CDK13: variants seen among roughly 807,000 people sequenced by gnomAD.
The protein encoded by CDK13 is cyclin-dependent kinase 13.
CDK13 carries 40 observed loss-of-function variants against 137.6 expected under a neutral mutation model. The ratio of observed to expected loss-of-function variants is 0.29; its 90% confidence interval spans 0.23 to 0.38. The LOEUF is 0.38. Among genes scored for constraint, CDK13 ranks in the 10% least tolerant of loss-of-function variants. The pLI, the probability that CDK13 is intolerant of heterozygous loss-of-function variation, is 1.00. For missense variants in CDK13, 1,704 were observed against 1,951.8 expected (o/e 0.87, Z 2.39); for synonymous variants, 869 against 760.1 (o/e 1.14, Z -2.36).
At chr7:40,084,538 G>A (rs1146042) in intron 11 of CDK13, among the ~76,000 whole-genome samples, 15,237 of 152,192 alleles carry the variant, frequency 0.1, 974 homozygotes, top group Non-Finnish European at 0.13. Context: ...CCTGTCAAAC[G>A]TAAAGTATAT....
At chr7:40,067,732 T>A (rs1786311947) in intron 9 of CDK13, 1 of 152,214 alleles carries the variant, frequency 6.6e-6, no homozygotes, top group Non-Finnish European at 1.5e-5. Flanking sequence ...GAGGGTCACT[T>A]GAGGCCAGGA....
Position 40,092,803 on chromosome 7 carries a change from A to G in CDK13, c.3254A>G (p.Gln1085Arg). 1 of 1,614,020 alleles carries G rather than the reference A, an allele frequency of 6.2e-7. No individual in the cohort carries two copies. The highest frequency in any genetic ancestry group is 8.5e-7 in the Non-Finnish European group (1 of 1,179,880). Residue 1085 changes from glutamine to arginine, a missense_variant, in exon 13 of 14, where the codon CAG becomes CGG. By Grantham distance (43) the Gln-to-Arg change is conservative. This residue lies in a region of CDK13 where 475 missense variants were observed against 579.3 expected (regional missense o/e 0.82). Coordinates refer to ENST00000181839, the MANE Select transcript of CDK13 (RefSeq NM_003718.5). ...TCTTTAGTAAAAACAGGCCCTGGAC[A>G]GCACTTAAACCACAGTGAATTGGCA... ...NVAPVKTGPG[Q>R]HLNHSELAIL...
At chr7:40,076,694 C>T (rs1232761135) in intron 9 of CDK13, among the ~76,000 whole-genome samples, 3 of 151,872 alleles carry the variant, frequency 2.0e-5, no homozygotes, top group African/African-American at 7.3e-5. Context: ...CAGTGACATA[C>T]GGCTTTAAAA....
Position 39,999,497 on chromosome 7 carries a change from A to G in CDK13, c.2179A>G (p.Thr727Ala). 4 of 1,599,830 alleles carry G rather than the reference A, an allele frequency of 2.5e-6. No homozygotes were observed. The highest frequency in any genetic ancestry group is 3.4e-6 in the Non-Finnish European group (4 of 1,172,386). Residue 727 changes from threonine (T) to alanine (A), a missense_variant, in exon 4 of 14, where the codon ACT (threonine) becomes GCT (alanine). Physicochemically the swap from Thr to Ala is moderately conservative, Grantham distance 58 (BLOSUM62 0). This residue lies in a region of CDK13 where 130 missense variants were observed against 362.4 expected (regional missense o/e 0.36). Transcript: ENST00000181839. ...GQVYKARDKD[T>A]GEMVALKKVR... is the part of the protein sequence containing the mutation. ...AGTTTACAAAGCCAGGGATAAAGACACTGGTAAGAATGCCAAGTTCTGGGG... is the reference window on the plus strand; with the variant it reads ...AGTTTACAAAGCCAGGGATAAAGACGCTGGTAAGAATGCCAAGTTCTGGGG...
intron 13 of CDK13, 107 bp from the exon 14 acceptor site, chr7:40,094,023 T>A: frequency 7.6e-7 from 1 of 1,313,412 alleles, no homozygotes; most frequent in Non-Finnish European, 1.0e-6. Context: ...TTGCCAGAGA[T>A]GGAACTTCTA....
rs184713676 is a variant in CDK13, at chr7:39,983,227, T to C, written c.1212-4372T>C. On this transcript the variant is annotated intron_variant, in intron 1 of 13. Coordinates refer to ENST00000181839, the MANE Select transcript of CDK13 (RefSeq NM_003718.5). Reference sequence around the variant, plus strand: ...TTTAAGGAAGGGATCCAGTTTCAGCTTTCTACATATGGCTAGCCAGTTTTC... The same window carrying C: ...TTTAAGGAAGGGATCCAGTTTCAGCCTTCTACATATGGCTAGCCAGTTTTC... Among the ~76,000 whole-genome samples the C allele has an allele frequency of 5.5e-3, 844 of 152,300 alleles. 5 individuals are homozygous for C. The highest frequency in any genetic ancestry group is 0.012 in the African/African-American group (512 of 41,554).
At chr7:40,033,072 C>T (rs1785413176) in intron 5 of CDK13, among the ~76,000 whole-genome samples, 1 of 152,108 alleles carries the variant, frequency 6.6e-6, no homozygotes, top group African/African-American at 2.4e-5. Context: ...TTATTGTTTT[C>T]CTCATATAGA....
intron 1 of CDK13, among the ~76,000 whole-genome samples, chr7:39,953,215 TAA>T (rs1033691799): frequency 3.1e-4 from 47 of 152,328 alleles, no homozygotes; most frequent in Non-Finnish European, 1.3e-4. Context: ...GCTTCACTCT[TAA>T]AGAGTGTTGA....
rs398040131 is a variant in CDK13 at position 40,047,012 on chromosome 7, CAAAAAAAAAAAA to C, written c.2544-797_2544-786del. Among the ~76,000 whole-genome samples, 3 of 65,832 alleles carry C rather than the reference CAAAAAAAAAAAA, an allele frequency of 4.6e-5. No individual in the cohort carries two copies. In the Admixed American group the frequency reaches 5.8e-4, roughly 13 times the overall value. 43.2% of individuals were successfully genotyped at this position (65,832 alleles called of 152,430 possible). On this transcript the variant is annotated intron_variant, in intron 6 of 13. Coordinates refer to ENST00000181839, the MANE Select transcript of CDK13 (RefSeq NM_003718.5). Reference sequence around the variant, plus strand: ...TGACAAAGCAAGCAAGACTCGGTCTCAAAAAAAAAAAAAAAAAAAAAAATCTAATAATAGTCT... The same window carrying C: ...TGACAAAGCAAGCAAGACTCGGTCTCAAAAAAAAAAATCTAATAATAGTCT...
chr7:40,078,032 A>C lies in CDK13; in HGVS notation c.2808A>C (p.Ala936=). Reference sequence around the variant, plus strand: ...GAATATGTGGGAGTCCATGTCCTGCAGTGTGGCCTGATGTAATCAAACTAC... The same window carrying C: ...GAATATGTGGGAGTCCATGTCCTGCCGTGTGGCCTGATGTAATCAAACTAC... The part of the protein sequence containing the change: ...ISRICGSPCP[A]VWPDVIKLPY... Residue 936 remains alanine (A), a synonymous_variant, in exon 10 of 14, where the codon GCA becomes GCC. Coordinates refer to ENST00000181839, the MANE Select transcript of CDK13 (RefSeq NM_003718.5). 1 of 1,587,210 alleles carries C rather than the reference A, an allele frequency of 6.3e-7. No homozygotes were observed. Among genetic ancestry groups the C allele is most frequent in the Non-Finnish European group, 8.6e-7 (1 of 1,169,374 alleles).
At chr7:40,002,077 A>C (rs1451396972) in intron 5 of CDK13, 46 bp downstream of exon 5, 1 of 1,436,372 alleles carries the variant, frequency 7.0e-7, no homozygotes, top group African/African-American at 1.4e-5. Flanking sequence ...TTCATGATTG[A>C]TGTTGCTAAC....
chr7:39,998,528 A>T (rs1218027349), intron 3 of CDK13: 1 of 147,160 alleles, frequency 6.8e-6, no homozygotes, highest in Non-Finnish European at 1.5e-5. Flanking sequence ...CTAAGGCAGG[A>T]GGATCACCAG....
chr7:40,065,876 C>T (rs890644747), intron 9 of CDK13, among the ~76,000 whole-genome samples: 20 of 152,224 alleles, frequency 1.3e-4, no homozygotes, highest in Admixed American at 9.8e-4. Flanking sequence ...AGTTTAACTT[C>T]ATATGAAAAG....
In CDK13 at chr7:40,094,208, C is replaced by T; in HGVS notation, c.3767C>T (p.Pro1256Leu). The T allele has an allele frequency of 6.2e-7, 1 of 1,613,906 alleles. No homozygotes were observed. The highest frequency in any genetic ancestry group is 8.5e-7 in the Non-Finnish European group (1 of 1,179,970). Residue 1256 changes from proline (P) to leucine (L), a missense_variant, in exon 14 of 14, where the codon CCT becomes CTT. Coordinates refer to ENST00000181839, the MANE Select transcript of CDK13 (RefSeq NM_003718.5). Reference protein sequence around the residue: ...TPEPDRPRILPPDQRPPEPPE... With the variant: ...TPEPDRPRILLPDQRPPEPPE... ...GAACCAGACCGGCCTCGAATTCTGC[C>T]TCCTGACCAACGACCTCCCGAGCCT... is the stretch of plus-strand genomic sequence containing the variant.
chr7:40,049,748 C>T (rs1361967292), intron 7 of CDK13, among the ~76,000 whole-genome samples: 1 of 152,260 alleles, frequency 6.6e-6, no homozygotes, highest in Admixed American at 6.5e-5. Flanking sequence ...ACTCCCTATG[C>T]CCCGTATCTG....
intron 5 of CDK13, among the ~76,000 whole-genome samples, chr7:40,023,684 A>G (rs1305787071): frequency 1.3e-5 from 2 of 151,932 alleles, no homozygotes; most frequent in East Asian, 3.9e-4. Context: ...TATTTTTAAT[A>G]GAGACGGGGT....
At chr7:39,962,323 C>T (rs1229604262) in intron 1 of CDK13, among the ~76,000 whole-genome samples, 1 of 152,226 alleles carries the variant, frequency 6.6e-6, no homozygotes, top group Non-Finnish European at 1.5e-5. Flanking sequence ...TTAATGATCA[C>T]CATTCTAACT....
chr7:40,021,235 G>T (rs1056182295), intron 5 of CDK13, among the ~76,000 whole-genome samples: 2 of 151,914 alleles, frequency 1.3e-5, no homozygotes, highest in Non-Finnish European at 1.5e-5. Context: ...GGTGGCTCAC[G>T]CCTGTAATCC....
At chr7:40,047,012 C>CAAAAAAAAA (rs398040131) in intron 6 of CDK13, among the ~76,000 whole-genome samples, 1 of 65,820 alleles carries the variant, frequency 1.5e-5, no homozygotes, top group Non-Finnish European at 2.8e-5. Flanking sequence ...GACTCGGTCT[C>CAAAAAAAAA]AAAAAAAAAA....
Sources: allele counts gnomAD v4.1 joint callset (sites outside exome capture counted in the v4.1 genomes callset), GRCh38; gene constraint gnomAD v4.1.1; regional missense constraint gnomAD v4.1.1; transcripts MANE v1.5; gene names NCBI Gene and HGNC (gene_info 2026-07-23, HGNC 2026-07-21).